Variants in HIVEP3 observed in about 807,000 individuals in gnomAD.
HIVEP3 encodes the protein transcription factor HIVEP3.
A neutral mutation model predicts 152.8 loss-of-function variants in HIVEP3; 49 were observed. That is an observed-to-expected ratio of 0.32 (90% CI 0.26 to 0.41). HIVEP3 has a LOEUF of 0.41. Ranked by LOEUF, HIVEP3 falls within the 10% of genes least tolerant of loss-of-function variation. The pLI, the probability that HIVEP3 is intolerant of heterozygous loss-of-function variation, is 1.00. For missense variants in HIVEP3, 2,790 were observed against 3,103.3 expected (o/e 0.90, Z 2.40); for synonymous variants, 1,269 against 1,289.0 (o/e 0.98, Z 0.33).
chr1:42,025,648 T>C (rs1645577806), intron 1 of HIVEP3, among the ~76,000 whole-genome samples: 1 of 152,258 alleles, frequency 6.6e-6, no homozygotes. Context: ...TCATCTTTGA[T>C]TCTGCCAGGT....
chr1:41,620,226 G>C (rs953459100), intron 3 of HIVEP3, among the ~76,000 whole-genome samples: 1 of 152,150 alleles, frequency 6.6e-6, no homozygotes, highest in African/African-American at 2.4e-5. Context: ...GTTTCCACTC[G>C]CTTTCCCACA....
chr1:42,019,018 G>A (rs1645539221), intron 1 of HIVEP3, among the ~76,000 whole-genome samples: 1 of 151,842 alleles, frequency 6.6e-6, no homozygotes, highest in Non-Finnish European at 1.5e-5. Flanking sequence ...TGTTAATCTT[G>A]TCTTTTGTTA....
At chr1:42,018,928 T>C (rs369775939) in intron 1 of HIVEP3, among the ~76,000 whole-genome samples, 8 of 152,184 alleles carry the variant, frequency 5.3e-5, no homozygotes, top group East Asian at 1.9e-4. Context: ...TTCTAAGCCA[T>C]TGCTTTGAGA....
intron 1 of HIVEP3, among the ~76,000 whole-genome samples, chr1:41,787,814 C>A (rs1405232015): frequency 6.6e-6 from 1 of 151,870 alleles, no homozygotes; most frequent in East Asian, 1.9e-4. Flanking sequence ...CAATTACAGG[C>A]GTAAGCCTCT....
In HIVEP3 at chr1:41,821,246, C is replaced by T. The variant is rs371061793; in HGVS notation, c.-801+97167G>A. Among the ~76,000 whole-genome samples, 27 of 152,164 alleles carry T rather than the reference C, an allele frequency of 1.8e-4. 1 individual carries two copies. The East Asian group carries it at 4.4e-3, about 25-fold the overall frequency. On this transcript the variant is annotated intron_variant, in intron 1 of 8. Coordinates refer to ENST00000372583, the MANE Select transcript of HIVEP3 (RefSeq NM_024503.5). ...TCTCAGCCCCAGAGGTCCTCATCAC[C>T]GGTCCTCACTCCGTCTTCTCAGGCA...
At chr1:41,555,213 T>TC (rs1558056653) in intron 5 of HIVEP3, among the ~76,000 whole-genome samples, 1 of 152,084 alleles carries the variant, frequency 6.6e-6, no homozygotes, top group Non-Finnish European at 1.5e-5. Flanking sequence ...TGGATGCCCC[T>TC]CCCCCTGCCA....
At chr1:42,032,516 C>G (rs992872917) in intron 1 of HIVEP3, among the ~76,000 whole-genome samples, 15 of 152,166 alleles carry the variant, frequency 9.9e-5, no homozygotes, top group African/African-American at 2.2e-4. Flanking sequence ...TTGGTCTGCA[C>G]AGGTCTTGCA....
At chr1:41,673,903 G>C (rs1570281748) in intron 2 of HIVEP3, among the ~76,000 whole-genome samples, 1 of 152,226 alleles carries the variant, frequency 6.6e-6, no homozygotes, top group South Asian at 2.1e-4. Context: ...AGGAGTGTGG[G>C]ACCTCCCTGA....
chr1:41,833,838 T>C (rs1391729607), intron 1 of HIVEP3, among the ~76,000 whole-genome samples: 1 of 152,066 alleles, frequency 6.6e-6, no homozygotes, highest in Non-Finnish European at 1.5e-5. Flanking sequence ...TGGTGGAAAA[T>C]CCAAGATCTG....
rs1644898557 is a variant in HIVEP3, at chr1:41,918,025, C to T, written c.-801+388G>A. Among the ~76,000 whole-genome samples the T allele has an allele frequency of 6.6e-6, 1 of 152,208 alleles. No individual in the cohort carries two copies. Among genetic ancestry groups the T allele is most frequent in the Admixed American group, 6.5e-5 (1 of 15,282 alleles). On this transcript the variant is annotated intron_variant, in intron 1 of 8. Coordinates refer to ENST00000372583, the MANE Select transcript of HIVEP3 (RefSeq NM_024503.5). This position sits in a 1 kb window ranked among gnomAD's most constrained non-coding sequence, Gnocchi z 4.3. ...CCCCCAGCCGAGGCTCCTATGGAGC[C>T]GGCCGCCAGTGCGCGGGTGCAGAGC...
At chr1:41,738,107 G>A (rs899112860) in intron 1 of HIVEP3, among the ~76,000 whole-genome samples, 1 of 152,204 alleles carries the variant, frequency 6.6e-6, no homozygotes, top group African/African-American at 2.4e-5. Flanking sequence ...GGGAGGGCAG[G>A]GTCCTCTTCC....
At chr1:41,778,311 G>A (rs755043606) in intron 1 of HIVEP3, among the ~76,000 whole-genome samples, 2 of 152,204 alleles carry the variant, frequency 1.3e-5, no homozygotes, top group South Asian at 2.1e-4. Context: ...TCTTGTAGTA[G>A]TGCAGAAACT....
chr1:42,013,612 G>A (rs888196805), intron 1 of HIVEP3, among the ~76,000 whole-genome samples: 3 of 152,156 alleles, frequency 2.0e-5, no homozygotes, highest in Admixed American at 6.5e-5. Flanking sequence ...TTAAGGGCTG[G>A]GGAAGGAAGA....
intron 1 of HIVEP3, among the ~76,000 whole-genome samples, chr1:41,944,698 A>G (rs2124487416): frequency 6.6e-6 from 1 of 152,298 alleles, no homozygotes; most frequent in Middle Eastern, 3.4e-3. Context: ...TACATCAGTG[A>G]GCATCACTAA....
intron 2 of HIVEP3, among the ~76,000 whole-genome samples, chr1:41,656,217 A>G (rs764489367): frequency 3.7e-4 from 56 of 152,112 alleles, no homozygotes; most frequent in Admixed American, 7.2e-4. Flanking sequence ...TAAAATCCCC[A>G]CAGCCCCACA....
intron 1 of HIVEP3, among the ~76,000 whole-genome samples, chr1:41,910,309 C>CA (rs1352535651): frequency 6.6e-6 from 1 of 151,830 alleles, no homozygotes; most frequent in Admixed American, 6.6e-5. Flanking sequence ...TTTGAAAACT[C>CA]AGATAATATG....
At chr1:41,623,437 G>A (rs556294811) in intron 3 of HIVEP3, among the ~76,000 whole-genome samples, 3 of 152,328 alleles carry the variant, frequency 2.0e-5, no homozygotes, top group African/African-American at 7.2e-5. Context: ...ACAGGGCTAT[G>A]TAAATAAGAA....
rs573929983 is a variant in HIVEP3, at chr1:41,905,115, C to T, written c.-801+13298G>A. Among the ~76,000 whole-genome samples, 5 of 152,218 alleles carry T rather than the reference C, an allele frequency of 3.3e-5. No individual in the cohort carries two copies. The South Asian group carries it at 6.2e-4, about 19-fold the overall frequency. Reference sequence around the variant, plus strand: ...GAGTGTAGGTGGGGCCTCTCTAGGCCCTGCTTCCTACATAGTTGATGTGTC... The same window carrying T: ...GAGTGTAGGTGGGGCCTCTCTAGGCTCTGCTTCCTACATAGTTGATGTGTC... On this transcript the variant is annotated intron_variant, in intron 1 of 8. Transcript: ENST00000372583.
At position 41,580,913 on chromosome 1, in the gene HIVEP3, G is replaced by A; in HGVS notation, c.3885C>T (p.Ser1295=). The change falls in exon 4 of 9, where the codon AGC becomes AGT. Residue 1295 remains serine, a synonymous_variant. Coordinates refer to ENST00000372583, the MANE Select transcript of HIVEP3 (RefSeq NM_024503.5). ...IRLPPVAPPA[S]SSAPTSAPPL... is the part of the protein sequence containing the mutation. ...GAGGAGCTGATGTAGGTGCTGAGGA[G>A]CTGGCTGGGGGAGCCACAGGGGGTA... The A allele has an allele frequency of 6.2e-7, 1 of 1,612,762 alleles. No individual in the cohort carries two copies. Among genetic ancestry groups the A allele is most frequent in the Admixed American group, 1.7e-5 (1 of 59,898 alleles).
Sources: gnomAD v4.1 joint callset for allele counts (sites outside exome capture counted in the v4.1 genomes callset) on GRCh38, gnomAD v4.1.1 for gene constraint, Gnocchi (gnomAD v3.1) non-coding constraint, MANE v1.5 for transcripts, NCBI Gene and HGNC (gene_info 2026-07-23, HGNC 2026-07-21) for gene names.